The following ARHGEF10L variants were observed in gnomAD, a reference collection of about 807,000 sequenced individuals.
ARHGEF10L encodes the protein rho guanine nucleotide exchange factor 10-like protein.
ARHGEF10L carries 69 observed loss-of-function variants against 141.2 expected under a neutral mutation model. The observed-to-expected ratio is 0.49, with a 90% CI of 0.40 to 0.60. The LOEUF (loss-of-function observed/expected upper bound fraction) is 0.60, where lower values mean the gene tolerates loss of function less well. ARHGEF10L is among the 20% of genes least tolerant of loss of function. The pLI is 0.00. For synonymous variants in ARHGEF10L, 711 were observed against 718.5 expected (o/e 0.99, Z 0.17); for missense variants, 1,482 against 1,734.3 (o/e 0.85, Z 2.58).
rs774153433 is a variant in ARHGEF10L at position 17,696,873 on chromosome 1, G to A, written c.3333G>A (p.Gly1111=). 1 of 1,579,332 alleles carries A rather than the reference G, an allele frequency of 6.3e-7. No homozygotes were observed. Among genetic ancestry groups the A allele is most frequent in the Admixed American group, 1.8e-5 (1 of 55,026 alleles). ...GGAAAGGCATGGTCTCACTCAACGG[G>A]CACTGTGGGCCTGTGGCCTTCCTGG... ...ITGKGMVSLN[G]HCGPVAFLAV... Residue 1111 remains glycine (G), a synonymous_variant, in exon 29 of 29, where the codon GGG becomes GGA. Transcript: ENST00000361221.
At chr1:17,577,266 G>C (rs1395590532) in intron 1 of ARHGEF10L, among the ~76,000 whole-genome samples, 1 of 152,108 alleles carries the variant, frequency 6.6e-6, no homozygotes, top group Non-Finnish European at 1.5e-5. Flanking sequence ...GGCTGGTTTC[G>C]AACTCCTGAC....
At chr1:17,599,537 G>A (rs1331520069) in intron 4 of ARHGEF10L, among the ~76,000 whole-genome samples, 1 of 152,130 alleles carries the variant, frequency 6.6e-6, no homozygotes, top group African/African-American at 2.4e-5. Context: ...GAGCAATTCC[G>A]AGCAACTGAT....
intron 23 of ARHGEF10L, among the ~76,000 whole-genome samples, chr1:17,655,293 T>C (rs1441864382): frequency 1.3e-5 from 2 of 151,932 alleles, no homozygotes; most frequent in Admixed American, 6.6e-5. Context: ...CATCTATCCA[T>C]CCACCCACCC....
intron 1 of ARHGEF10L, among the ~76,000 whole-genome samples, chr1:17,553,592 G>C (rs1178237319): frequency 6.6e-6 from 1 of 151,846 alleles, no homozygotes; most frequent in African/African-American, 2.4e-5. Flanking sequence ...GACCAGCCTG[G>C]GCAACATAGT....
chr1:17,595,537 G>A (rs146755483), intron 4 of ARHGEF10L, among the ~76,000 whole-genome samples: 14 of 152,304 alleles, frequency 9.2e-5, no homozygotes, highest in African/African-American at 2.6e-4. Flanking sequence ...CCTGAGGGCC[G>A]CTCTGAGACT....
chr1:17,588,518 CAG>C lies in ARHGEF10L; in HGVS notation c.257+40_257+41del, dbSNP rs1444036861. ...GCTCCTTTGCTTTGGCGGTTGGAAACAGGGAGACACCGGGCAGTGGGTGGGGA... is the reference window on the plus strand; with the variant it reads ...GCTCCTTTGCTTTGGCGGTTGGAAACGGAGACACCGGGCAGTGGGTGGGGA... On this transcript the variant is annotated intron_variant, in intron 4 of 28. Coordinates refer to ENST00000361221, the MANE Select transcript of ARHGEF10L (RefSeq NM_018125.4). 4 of 1,613,156 alleles carry C rather than the reference CAG, an allele frequency of 2.5e-6. No homozygotes were observed. The African/African-American group carries it at 4.0e-5, about 16-fold the overall frequency.
chr1:17,545,306 A>G (rs143283229), intron 1 of ARHGEF10L, among the ~76,000 whole-genome samples: 1 of 152,330 alleles, frequency 6.6e-6, no homozygotes, highest in East Asian at 1.9e-4. Context: ...TGAGCAACTC[A>G]GTCCCTCCCT....
In ARHGEF10L at chr1:17,674,779, A is replaced by G. The variant is rs532136524; in HGVS notation, c.3009+10184A>G. On this transcript the variant is annotated intron_variant, in intron 26 of 28. Transcript: ENST00000361221. ...TTTACTGTACCTTTTCTATGTTTAG[A>G]TATGTTCAGATTCACAAATACCATT... Among the ~76,000 whole-genome samples, 10 of 152,240 alleles carry G rather than the reference A, an allele frequency of 6.6e-5. No homozygotes were observed. The South Asian group carries it at 1.9e-3, about 28-fold the overall frequency.
chr1:17,581,160 A>T (rs2078513008), intron 2 of ARHGEF10L, among the ~76,000 whole-genome samples: 1 of 151,946 alleles, frequency 6.6e-6, no homozygotes, highest in Non-Finnish European at 1.5e-5. Context: ...ACAAAAATAC[A>T]AAAATTAGCT....
rs2060912895 is a variant in ARHGEF10L at position 17,634,941 on chromosome 1, G to T, written c.1852G>T (p.Gly618Cys). Residue 618 changes from glycine (G) to cysteine (C), a missense_variant, in exon 18 of 29, where the codon GGC becomes TGC. Coordinates refer to ENST00000361221, the MANE Select transcript of ARHGEF10L (RefSeq NM_018125.4). ...VQVVEVGQDG[G>C]TYDKDNVLIQ... ...GGTGGTGGAGGTGGGCCAGGACGGT[G>T]GCACCTATGACAAGGACAATGTGCT... 1.2e-6 allele frequency: 2 copies of T among 1,613,980 alleles called. No individual in the cohort carries two copies. Among genetic ancestry groups the T allele is most frequent in the Non-Finnish European group, 1.7e-6 (2 of 1,179,988 alleles).
rs992172378 is a variant in ARHGEF10L, at chr1:17,654,713, C to G, written c.2472C>G (p.Gly824=). 1.2e-6 allele frequency: 2 copies of G among 1,613,900 alleles called. No individual in the cohort carries two copies. The highest frequency in any genetic ancestry group is 2.7e-5 in the African/African-American group (2 of 74,948). ...CAGTCAGCACCTCCCTTCCACAGGG[C>G]TACCTCTGGGTGAGTCACCCCCCTG... ...FSAVSTSLPQ[G]YLWVGGGQEG... is the part of the protein sequence containing the mutation. Residue 824 remains glycine (G), a synonymous_variant, in exon 23 of 29, where the codon GGC becomes GGG. Coordinates refer to ENST00000361221, the MANE Select transcript of ARHGEF10L (RefSeq NM_018125.4). The surrounding 1 kb of genome is among the most constrained non-coding windows in gnomAD (Gnocchi z 4.3).
Position 17,654,094 on chromosome 1 carries a change from G to A in ARHGEF10L, c.2395-542G>A, listed in dbSNP as rs985441025. Reference sequence around the variant, plus strand: ...AGAATTGCTGTCCTGGCCAGAGAGAGGGACTGACCAGGTCTAGCTCAGGAG... The same window carrying A: ...AGAATTGCTGTCCTGGCCAGAGAGAAGGACTGACCAGGTCTAGCTCAGGAG... On this transcript the variant is annotated intron_variant, in intron 22 of 28. Transcript: ENST00000361221. This position sits in a 1 kb window ranked among gnomAD's most constrained non-coding sequence, Gnocchi z 4.3. Among the ~76,000 whole-genome samples the A allele has an allele frequency of 1.3e-5, 2 of 152,224 alleles. No individual in the cohort carries two copies. The highest frequency in any genetic ancestry group is 2.9e-5 in the Non-Finnish European group (2 of 68,040).
the ARHGEF10L span, among the ~76,000 whole-genome samples, chr1:17,527,706 A>G: frequency 2.0e-5 from 3 of 151,154 alleles, no homozygotes; most frequent in Non-Finnish European, 4.4e-5. Context: ...AAACATCAAC[A>G]TACTCTTCTC....
intron 4 of ARHGEF10L, among the ~76,000 whole-genome samples, chr1:17,589,055 T>A (rs2079308975): frequency 6.6e-6 from 1 of 152,202 alleles, no homozygotes; most frequent in East Asian, 1.9e-4. Flanking sequence ...TCAGAGGCAG[T>A]GTAGCCTAGT....
rs966201984 is a variant in ARHGEF10L at position 17,627,564 on chromosome 1, G to A, written c.1584+61G>A. 46 of 1,564,530 alleles carry A rather than the reference G, an allele frequency of 2.9e-5. No individual in the cohort carries two copies. Among genetic ancestry groups the A allele is most frequent in the East Asian group, 2.3e-4 (10 of 43,108 alleles). Reference sequence around the variant, plus strand: ...CCTGCCCTCACCTGTGCTCCTGCCCGTGCCCCTGCCCCACGCCACCCACAC... The same window carrying A: ...CCTGCCCTCACCTGTGCTCCTGCCCATGCCCCTGCCCCACGCCACCCACAC... On this transcript the variant is annotated intron_variant, in intron 15 of 28. Transcript: ENST00000361221. The surrounding 1 kb of genome is among the most constrained non-coding windows in gnomAD (Gnocchi z 4.0).
At chr1:17,601,872 A>C (rs2080715772) in intron 4 of ARHGEF10L, among the ~76,000 whole-genome samples, 1 of 152,170 alleles carries the variant, frequency 6.6e-6, no homozygotes. Context: ...CCCCTTGCGG[A>C]GAGTGCTTGG....
rs145423008 is a variant in ARHGEF10L, at chr1:17,608,600, G to A, written c.609+623G>A. On this transcript the variant is annotated intron_variant, in intron 7 of 28. Transcript: ENST00000361221. ...TGGAGGGGAGCCCCTGAGGCTGTGA[G>A]GGGGATAGGTCATCTGGTTCCTTCT... Among the ~76,000 whole-genome samples the A allele has an allele frequency of 2.0e-3, 299 of 152,264 alleles. 4 individuals carry two copies. The highest frequency in any genetic ancestry group is 6.8e-3 in the Middle Eastern group (2 of 294).
rs1020004406 is a variant in ARHGEF10L at position 17,564,667 on chromosome 1, C to A, written c.-43-15886C>A. On this transcript the variant is annotated intron_variant, in intron 1 of 28. Coordinates refer to ENST00000361221, the MANE Select transcript of ARHGEF10L (RefSeq NM_018125.4). ...TGTGACCTCGAGCAATTTTCTGAAC[C>A]TCTCTATGCCTCTATTTCCTAACCT... Among the ~76,000 whole-genome samples the A allele has an allele frequency of 1.2e-4, 18 of 152,316 alleles. No individual in the cohort carries two copies. In the East Asian group the frequency reaches 3.5e-3, roughly 29 times the overall value.
At chr1:17,517,440 C>T in the ARHGEF10L span, among the ~76,000 whole-genome samples, 1 of 152,040 alleles carries the variant, frequency 6.6e-6, no homozygotes, top group Non-Finnish European at 1.5e-5. Flanking sequence ...TCTCTTGCCT[C>T]AGCCTCCTGA....
Sources: gnomAD v4.1 joint callset for allele counts (sites outside exome capture counted in the v4.1 genomes callset) on GRCh38, gnomAD v4.1.1 for gene constraint, Gnocchi (gnomAD v3.1) non-coding constraint, MANE v1.5 for transcripts, NCBI Gene and HGNC (gene_info 2026-07-23, HGNC 2026-07-21) for gene names.